The following SEMA6D variants were observed in gnomAD, a reference collection of about 807,000 sequenced individuals.
SEMA6D encodes the protein semaphorin 6D.
A neutral mutation model predicts 106.6 loss-of-function variants in SEMA6D; 35 were observed. That is an observed-to-expected ratio of 0.33 (90% CI 0.25 to 0.44). The LOEUF (loss-of-function observed/expected upper bound fraction) is 0.44, where lower values mean the gene tolerates loss of function less well. Ranked by LOEUF, SEMA6D falls within the 20% of genes least tolerant of loss-of-function variation. SEMA6D has a pLI of 1.00. For synonymous variants in SEMA6D, 499 were observed against 487.7 expected, an observed-to-expected ratio of 1.02 and a Z score of -0.31; for missense variants, 1,185 against 1,345.9, an observed-to-expected ratio of 0.88 and a Z score of 1.87.
chr15:47,444,812 T>TA (rs1031866935), intron 2 of SEMA6D, among the ~76,000 whole-genome samples: 50 of 152,194 alleles, frequency 3.3e-4, no homozygotes, highest in Middle Eastern at 3.4e-3. Flanking sequence ...GGGCATGTGT[T>TA]ACAGTGCACT....
rs371372915 is a variant in SEMA6D, at chr15:47,409,376, C to T, written c.-238-3017C>T. On this transcript the variant is annotated intron_variant, in intron 1 of 19. Coordinates refer to the SEMA6D transcript ENST00000558014. ...TGAGCTGGAAACAGAGCTTTAGAAA[C>T]TTAACTGTGTATTAGAATGAAGAGT... Among the ~76,000 whole-genome samples the T allele has an allele frequency of 2.4e-4, 36 of 152,274 alleles. No homozygotes were observed. In the East Asian group the frequency reaches 6.4e-3, roughly 27 times the overall value.
At chr15:47,318,240 CT>C (rs964785686) in intron 1 of SEMA6D, among the ~76,000 whole-genome samples, 15 of 150,206 alleles carry the variant, frequency 1.0e-4, no homozygotes, top group Middle Eastern at 3.4e-3. Flanking sequence ...CCACTTTAAA[CT>C]TTTTTTTTAA....
At chr15:47,462,116 T>TA (rs1412511465) in intron 2 of SEMA6D, among the ~76,000 whole-genome samples, 1 of 152,104 alleles carries the variant, frequency 6.6e-6, no homozygotes, top group Non-Finnish European at 1.5e-5. Context: ...GCCAGTGTGA[T>TA]ATACTCTTCC....
intron 4 of SEMA6D, among the ~76,000 whole-genome samples, chr15:47,641,868 T>A (rs1203640641): frequency 6.6e-6 from 1 of 152,126 alleles, no homozygotes; most frequent in East Asian, 1.9e-4. Flanking sequence ...TTTTTGATAA[T>A]CCCCAGTCTG....
At chr15:47,387,899 A>G (rs990355547) in intron 1 of SEMA6D, among the ~76,000 whole-genome samples, 1 of 152,228 alleles carries the variant, frequency 6.6e-6, no homozygotes, top group African/African-American at 2.4e-5. Context: ...GTAAGAATTA[A>G]ATAAAGTAAT....
chr15:47,749,092 T>C (rs1227577476), intron 1 of SEMA6D, among the ~76,000 whole-genome samples: 1 of 150,176 alleles, frequency 6.7e-6, no homozygotes, highest in Non-Finnish European at 1.5e-5. Flanking sequence ...TTTTTTTTTT[T>C]TTTTTGGAGA....
chr15:47,516,220 A>G (rs569508162), intron 3 of SEMA6D, among the ~76,000 whole-genome samples: 9 of 152,324 alleles, frequency 5.9e-5, no homozygotes, highest in African/African-American at 1.9e-4. Flanking sequence ...TTTGGCACCT[A>G]GCTACCTCAA....
At chr15:47,446,453 A>G in intron 2 of SEMA6D, among the ~76,000 whole-genome samples, 1 of 152,268 alleles carries the variant, frequency 6.6e-6, no homozygotes, top group East Asian at 1.9e-4. Flanking sequence ...GAAATTATGC[A>G]TACAATCCAG....
chr15:47,540,793 C>G (rs1163641265), intron 3 of SEMA6D, among the ~76,000 whole-genome samples: 1 of 152,062 alleles, frequency 6.6e-6, no homozygotes, highest in Non-Finnish European at 1.5e-5. Flanking sequence ...AAAGGAAGGT[C>G]AGAGTGAACT....
chr15:47,370,852 C>A (rs995193529), intron 1 of SEMA6D, among the ~76,000 whole-genome samples: 1 of 151,760 alleles, frequency 6.6e-6, no homozygotes, highest in African/African-American at 2.4e-5. Context: ...GGTGACAGAG[C>A]GAGACTCCAT....
intron 3 of SEMA6D, among the ~76,000 whole-genome samples, chr15:47,557,285 C>T (rs570174994): frequency 6.6e-6 from 1 of 152,256 alleles, no homozygotes; most frequent in African/African-American, 2.4e-5. Flanking sequence ...AAAGTTCTCT[C>T]ACCTGGTTAA....
chr15:47,281,945 A>G (rs980005330), intron 1 of SEMA6D, among the ~76,000 whole-genome samples: 4 of 152,180 alleles, frequency 2.6e-5, no homozygotes, highest in Admixed American at 2.6e-4. Context: ...TAATTATAGA[A>G]CTAGCAAGTA....
At chr15:47,354,552 T>C (rs955220710) in intron 1 of SEMA6D, among the ~76,000 whole-genome samples, 5 of 133,350 alleles carry the variant, frequency 3.7e-5, no homozygotes, top group African/African-American at 1.2e-4. Flanking sequence ...ATGAAAGGAG[T>C]GTGTGTATGT....
chr15:47,658,163 G>C (rs2077841874), intron 4 of SEMA6D, among the ~76,000 whole-genome samples: 1 of 152,048 alleles, frequency 6.6e-6, no homozygotes, highest in South Asian at 2.1e-4. Flanking sequence ...TATATATCAT[G>C]TTATTGACTT....
chr15:47,740,523 A>T (rs2147008217), intron 1 of SEMA6D, among the ~76,000 whole-genome samples: 2 of 152,240 alleles, frequency 1.3e-5, no homozygotes, highest in Middle Eastern at 6.8e-3. Flanking sequence ...CGTCTCAAAA[A>T]ACAAAACAAA....
intron 1 of SEMA6D, among the ~76,000 whole-genome samples, chr15:47,724,582 G>A (rs1394450723): frequency 1.3e-5 from 2 of 151,974 alleles, no homozygotes; most frequent in Non-Finnish European, 2.9e-5. Context: ...GGTGGTGGGG[G>A]AGGTGTTGAG....
intron 1 of SEMA6D, among the ~76,000 whole-genome samples, chr15:47,248,152 A>G (rs2033304727): frequency 6.6e-6 from 1 of 152,244 alleles, no homozygotes. Flanking sequence ...AGTTGTCAAA[A>G]TATCAGCCCA....
At chr15:47,301,358 A>G (rs900007505) in intron 1 of SEMA6D, among the ~76,000 whole-genome samples, 7 of 152,042 alleles carry the variant, frequency 4.6e-5, no homozygotes, top group Non-Finnish European at 1.0e-4. Context: ...TGCCATCCAG[A>G]CTATCTACTG....
chr15:47,734,218 C>T (rs180722569), intron 1 of SEMA6D, among the ~76,000 whole-genome samples: 29 of 152,342 alleles, frequency 1.9e-4, no homozygotes, highest in Admixed American at 6.5e-4. Flanking sequence ...AAGCATCTTA[C>T]TCACTCACTT....
Sources: allele counts gnomAD v4.1 joint callset (sites outside exome capture counted in the v4.1 genomes callset), GRCh38; gene constraint gnomAD v4.1.1; transcripts MANE v1.5; gene names NCBI Gene and HGNC (gene_info 2026-07-23, HGNC 2026-07-21).